PHF20: variants seen among roughly 807,000 people sequenced by gnomAD.
The protein encoded by PHF20 is PHD finger protein 20.
Under a neutral mutation model 113.5 loss-of-function variants are expected in PHF20, and 23 were observed. The observed-to-expected ratio is 0.20, with a 90% CI of 0.15 to 0.29. The LOEUF is 0.29. PHF20 is among the 10% of genes least tolerant of loss of function. PHF20 has a pLI of 1.00. For synonymous variants in PHF20, 434 were observed against 457.3 expected (o/e 0.95, Z 0.65); for missense variants, 943 against 1,219.6 (o/e 0.77, Z 3.38).
chr20:35,839,166 G>A (rs1359966236), intron 2 of PHF20, among the ~76,000 whole-genome samples: 2 of 151,904 alleles, frequency 1.3e-5, no homozygotes, highest in African/African-American at 4.8e-5. Flanking sequence ...CGAGGGGGGC[G>A]GATCACGAGA....
intron 15 of PHF20, 43 bp from the exon 16 acceptor site, chr20:35,938,654 G>A: frequency 6.5e-7 from 1 of 1,541,258 alleles, no homozygotes; most frequent in Non-Finnish European, 8.7e-7. Flanking sequence ...CTGCAATGGT[G>A]CCAGTTACTC....
intron 9 of PHF20, among the ~76,000 whole-genome samples, chr20:35,894,896 C>T (rs1410549562): frequency 6.6e-6 from 1 of 152,180 alleles, no homozygotes; most frequent in Non-Finnish European, 1.5e-5. Context: ...ACTCTTGTCA[C>T]CCAGGCTAGA....
Position 35,894,280 on chromosome 20 carries a change from T to C in PHF20, c.1283-5090T>C, listed in dbSNP as rs1001205810. Among the ~76,000 whole-genome samples the C allele has an allele frequency of 7.2e-5, 11 of 152,348 alleles. No individual in the cohort carries two copies. In the East Asian group the frequency reaches 1.9e-3, roughly 27 times the overall value. On this transcript the variant is annotated intron_variant, in intron 9 of 17. Transcript: ENST00000374012. ...TCCAGAAATAACATAAGCCTGCTTATGATGTATTTTATATTTGAAATGATA... is the reference window on the plus strand; with the variant it reads ...TCCAGAAATAACATAAGCCTGCTTACGATGTATTTTATATTTGAAATGATA...
At chr20:35,929,362 C>T (rs926864657) in intron 14 of PHF20, among the ~76,000 whole-genome samples, 18 of 152,250 alleles carry the variant, frequency 1.2e-4, no homozygotes, top group African/African-American at 4.1e-4. Context: ...CTAGAAGCAT[C>T]TGCCTCCACT....
intron 2 of PHF20, among the ~76,000 whole-genome samples, chr20:35,823,142 A>G (rs2042199694): frequency 6.6e-6 from 1 of 152,194 alleles, no homozygotes; most frequent in Non-Finnish European, 1.5e-5. Flanking sequence ...AAAAGTTACA[A>G]AAGTACAAAA....
chr20:35,908,035 G>A (rs993912714), intron 10 of PHF20, among the ~76,000 whole-genome samples: 1 of 152,216 alleles, frequency 6.6e-6, no homozygotes, highest in Admixed American at 6.5e-5. Flanking sequence ...AGATGAGATG[G>A]ATTAATTTGA....
At chr20:35,940,317 C>T (rs1418193684) in intron 16 of PHF20, among the ~76,000 whole-genome samples, 1 of 152,116 alleles carries the variant, frequency 6.6e-6, no homozygotes. Flanking sequence ...GCAACCAGGG[C>T]TAACAGTCTT....
chr20:35,886,063 A>G (rs757370553), intron 9 of PHF20, among the ~76,000 whole-genome samples: 5 of 151,376 alleles, frequency 3.3e-5, no homozygotes, highest in African/African-American at 7.3e-5. Flanking sequence ...ATGTCGTTCT[A>G]TGGGTTATAA....
chr20:35,781,606 ATGT>A (rs2041297750), intron 1 of PHF20, among the ~76,000 whole-genome samples: 1 of 152,122 alleles, frequency 6.6e-6, no homozygotes, highest in South Asian at 2.1e-4. Flanking sequence ...GTATTAAATA[ATGT>A]TGTGCAACCA....
At chr20:35,927,310 A>T (rs568947866) in intron 13 of PHF20, among the ~76,000 whole-genome samples, 1 of 152,320 alleles carries the variant, frequency 6.6e-6, no homozygotes, top group East Asian at 1.9e-4. Flanking sequence ...TATTAATAGT[A>T]GCTTATTACA....
chr20:35,790,138 T>C (rs2041514194), intron 1 of PHF20, among the ~76,000 whole-genome samples: 1 of 151,904 alleles, frequency 6.6e-6, no homozygotes, highest in Admixed American at 6.6e-5. Context: ...ATTACATGCA[T>C]GAGCCACCAT....
At chr20:35,850,295 C>CTTTTT (rs2042695799) in intron 4 of PHF20, among the ~76,000 whole-genome samples, 1 of 101,680 alleles carries the variant, frequency 9.8e-6, no homozygotes, top group South Asian at 3.5e-4. Context: ...CTTCCCCCTC[C>CTTTTT]GTTTTTTTTT....
At chr20:35,868,277 G>A (rs1161555913) in intron 6 of PHF20, among the ~76,000 whole-genome samples, 1 of 149,276 alleles carries the variant, frequency 6.7e-6, no homozygotes, top group Non-Finnish European at 1.5e-5. Context: ...TGGGCAACGA[G>A]AGCAAAACTC....
chr20:35,899,700 C>T (rs2055059159), intron 10 of PHF20, 52 bp downstream of exon 10: 7 of 1,572,430 alleles, frequency 4.5e-6, no homozygotes, highest in Non-Finnish European at 6.1e-6. Context: ...TGCTTGGCCA[C>T]AGTGCTTGTG....
intron 13 of PHF20, among the ~76,000 whole-genome samples, chr20:35,922,870 C>T (rs1203475988): frequency 6.6e-6 from 1 of 152,202 alleles, no homozygotes; most frequent in Non-Finnish European, 1.5e-5. Flanking sequence ...AATACTAGCA[C>T]TTTGGGAGGC....
chr20:35,938,720 C>T lies in PHF20; in HGVS notation c.2324C>T (p.Pro775Leu), dbSNP rs756268168. Residue 775 changes from proline to leucine, a missense_variant, in exon 16 of 18, where the codon CCG becomes CTG. By Grantham distance (98) the Pro-to-Leu change is moderately conservative (BLOSUM62 -3). Around this residue, in one of 3 missense-constraint regions of PHF20, gnomAD observed 349 missense variants for 412.3 expected, o/e 0.85. Transcript: ENST00000374012. The stretch of plus-strand genomic sequence containing the variant: ...AGAAGCCGGGAGCATCCTGATCTGC[C>T]GCTGTGGTGCCAGCCTTGGAAACAG... ...ILQSREHPDLPLWCQPWKQHS... is the reference protein window; with the variant it reads ...ILQSREHPDLLLWCQPWKQHS... 2.5e-6 allele frequency: 4 copies of T among 1,611,426 alleles called. No homozygotes were observed. Among genetic ancestry groups the T allele is most frequent in the African/African-American group, 1.3e-5 (1 of 74,888 alleles).
At chr20:35,893,797 G>A (rs934201128) in intron 9 of PHF20, among the ~76,000 whole-genome samples, 1 of 151,978 alleles carries the variant, frequency 6.6e-6, no homozygotes, top group Non-Finnish European at 1.5e-5. Context: ...TGTATTTTTA[G>A]TAGAGATGGG....
intron 5 of PHF20, among the ~76,000 whole-genome samples, chr20:35,858,683 G>C (rs188259701): frequency 6.6e-6 from 1 of 152,316 alleles, no homozygotes; most frequent in East Asian, 1.9e-4. Flanking sequence ...CAATTCTCCT[G>C]TCTCAGCCTC....
intron 2 of PHF20, among the ~76,000 whole-genome samples, chr20:35,821,857 C>T (rs973163972): frequency 3.3e-5 from 5 of 151,958 alleles, no homozygotes; most frequent in Non-Finnish European, 7.4e-5. Flanking sequence ...GATTTGCTGA[C>T]GACATGTAAG....
Sources: gnomAD v4.1 joint callset for allele counts (sites outside exome capture counted in the v4.1 genomes callset) on GRCh38, gnomAD v4.1.1 for gene constraint, gnomAD v4.1.1 regional missense constraint, MANE v1.5 for transcripts, NCBI Gene and HGNC (gene_info 2026-07-23, HGNC 2026-07-21) for gene names.